Variants in GRWD1 observed in about 807,000 individuals in gnomAD.
GRWD1 encodes glutamate-rich WD repeat-containing protein 1.
In GRWD1, 29 loss-of-function variants were observed where a neutral mutation model predicts 45.3. The ratio of observed to expected loss-of-function variants is 0.64; its 90% confidence interval spans 0.48 to 0.87. The LOEUF is 0.87. Among genes scored for constraint, GRWD1 ranks in the 40% least tolerant of loss-of-function variants. GRWD1 has a pLI of 0.00. For synonymous variants in GRWD1, 262 were observed against 257.6 expected, an observed-to-expected ratio of 1.02 and a Z score of -0.16; for missense variants, 592 against 618.8, an observed-to-expected ratio of 0.96 and a Z score of 0.46.
rs1199335838 is a variant in GRWD1 at position 48,454,834 on chromosome 19, C to A, written c.*1809C>A. The A allele has an allele frequency of 6.6e-6, 1 of 152,218 alleles. No homozygotes were observed. The highest frequency in any genetic ancestry group is 1.9e-4 in the East Asian group (1 of 5,192). The allele number at this position is 152,218 out of a possible 1,614,324, so 9.4% of individuals were successfully genotyped here. A position where few individuals can be genotyped will look rare whatever the true frequency, so the allele number is the denominator to read the frequency against. ...ATCCTTTCAGAGAAACCCTCTCAGT[C>A]TGTCTGTCTCTGTCTCTGTCTCTCT... On this transcript the variant is annotated 3_prime_UTR_variant, in exon 7 of 7. Transcript: ENST00000253237.
chr19:48,451,067 C>T lies in GRWD1; in HGVS notation c.859C>T (p.Arg287Cys), dbSNP rs149086809. The stretch of plus-strand genomic sequence containing the variant: ...CTCCTGCTCAGCTGACGCCTCCATC[C>T]GCATCTGGGACATCCGGGCAGCCCC... The part of the protein sequence containing the change: ...FASCSADASI[R>C]IWDIRAAPSK... The change falls in exon 6 of 7, where the codon CGC (arginine) becomes TGC (cysteine). Residue 287 changes from arginine (R) to cysteine (C), a missense_variant. Physicochemically the swap from Arg to Cys is radical, Grantham distance 180. Transcript: ENST00000253237. 120 of 1,614,020 alleles carry T rather than the reference C, an allele frequency of 7.4e-5. No homozygotes were observed. Among genetic ancestry groups the T allele is most frequent in the African/African-American group, 2.3e-4 (17 of 75,034 alleles).
Position 48,452,596 on chromosome 19 carries a change from TG to T in GRWD1, c.1024-108del, listed in dbSNP as rs1971488070. The T allele has an allele frequency of 2.2e-6, 2 of 889,462 alleles. No individual in the cohort carries two copies. Among genetic ancestry groups the T allele is most frequent in the African/African-American group, 1.7e-5 (1 of 59,582 alleles). 55.1% of individuals were successfully genotyped at this position (889,462 alleles called of 1,614,324 possible). On this transcript the variant is annotated intron_variant, in intron 6 of 6. Transcript: ENST00000253237. The surrounding 1 kb of genome is among the most constrained non-coding windows in gnomAD (Gnocchi z 5.1). ...TCTGGGCTTGTGAGGGCTTAAGGGGTGGGGCCCTGGCTGAACCCTGAGGCTG... is the reference window on the plus strand; with the variant it reads ...TCTGGGCTTGTGAGGGCTTAAGGGGTGGGCCCTGGCTGAACCCTGAGGCTG...
rs1268712645 is a variant in GRWD1, at chr19:48,450,533, C to T, written c.682+7C>T. ...TGGTCCCCCCGGGTGACCGGTGAGT[C>T]CCTGGGGTGTTCAGGAGTCCCGGGA... On this transcript the variant is annotated splice_region_variant and intron_variant, in intron 4 of 6. Coordinates refer to ENST00000253237, the MANE Select transcript of GRWD1 (RefSeq NM_031485.4). The surrounding 1 kb of genome is among the most constrained non-coding windows in gnomAD (Gnocchi z 5.1). 6.2e-7 allele frequency: 1 copy of T among 1,613,696 alleles called. No homozygotes were observed. The highest frequency in any genetic ancestry group is 8.5e-7 in the Non-Finnish European group (1 of 1,179,816).
intron 3 of GRWD1, among the ~76,000 whole-genome samples, chr19:48,449,381 C>T (rs867403473): frequency 2.3e-4 from 35 of 152,252 alleles, no homozygotes; most frequent in African/African-American, 7.0e-4. Flanking sequence ...TGCGAGCCAC[C>T]GCGCCTGGCC....
In GRWD1 at chr19:48,453,574, G is replaced by C. The variant is rs981965431; in HGVS notation, c.*549G>C. ...GCTGGTCTCAAATTCTTGATCTCAA[G>C]TGATCTGTCCGCCCCGGCCTCCCAG... On this transcript the variant is annotated 3_prime_UTR_variant, in exon 7 of 7. Coordinates refer to ENST00000253237, the MANE Select transcript of GRWD1 (RefSeq NM_031485.4). The C allele has an allele frequency of 6.6e-6, 1 of 152,640 alleles. No individual in the cohort carries two copies. Among genetic ancestry groups the C allele is most frequent in the Non-Finnish European group, 1.5e-5 (1 of 68,420 alleles). 9.5% of individuals were successfully genotyped at this position (152,640 alleles called of 1,614,324 possible).
In GRWD1 at chr19:48,446,122, G is replaced by A. The variant is rs1452533560; in HGVS notation, c.117G>A (p.Pro39=). 2.5e-6 allele frequency: 4 copies of A among 1,605,002 alleles called. No individual in the cohort carries two copies. The highest frequency in any genetic ancestry group is 1.7e-5 in the Admixed American group (1 of 57,666). ...PAQVYLPGRG[P]PLREGEELVM... ...AGGTCTACCTGCCCGGCCGGGGGCC[G>A]CCGCTACGCGAAGGGGAGGAGCTGG... Residue 39 remains proline (P), a synonymous_variant, in exon 1 of 7, where the codon CCG becomes CCA. Transcript: ENST00000253237.
At position 48,446,168 on chromosome 19, in the gene GRWD1, G is replaced by A; in HGVS notation, c.163G>A (p.Val55Met). 6.2e-7 allele frequency: 1 copy of A among 1,605,728 alleles called. No homozygotes were observed. The highest frequency in any genetic ancestry group is 2.2e-5 in the East Asian group (1 of 44,744). The stretch of plus-strand genomic sequence containing the variant: ...GCTGGTCATGGACGAGGAGGCCTAT[G>A]TGCTCTACCACCGAGCGCAGACTGG... ...EELVMDEEAY[V>M]LYHRAQTGAP... Residue 55 changes from valine (V) to methionine (M), a missense_variant, in exon 1 of 7, where the codon GTG (valine) becomes ATG (methionine). Physicochemically the swap from Val to Met is conservative, Grantham distance 21. Coordinates refer to ENST00000253237, the MANE Select transcript of GRWD1 (RefSeq NM_031485.4).
chr19:48,447,502 A>G (rs984949858), intron 3 of GRWD1, among the ~76,000 whole-genome samples: 3 of 151,918 alleles, frequency 2.0e-5, no homozygotes, highest in African/African-American at 7.3e-5. Flanking sequence ...CGGCTTCCCA[A>G]AGTGCTGAGA....
Position 48,450,338 on chromosome 19 carries a change from T to C in GRWD1, c.494T>C (p.Val165Ala). Residue 165 changes from valine to alanine, a missense_variant, in exon 4 of 7, where the codon GTG becomes GCG. By Grantham distance (64) the Val-to-Ala change is moderately conservative. Coordinates refer to ENST00000253237, the MANE Select transcript of GRWD1 (RefSeq NM_031485.4). The surrounding 1 kb of genome is among the most constrained non-coding windows in gnomAD (Gnocchi z 5.1). ...VRVSWLGEEP[V>A]AGVWSEKGQV... ...GTGTCATGGCTGGGTGAAGAGCCTG[T>C]GGCTGGGGTGTGGTCAGAGAAGGGC... The C allele has an allele frequency of 6.2e-7, 1 of 1,612,242 alleles. No individual in the cohort carries two copies.
chr19:48,446,934 C>CT (rs752488198), intron 3 of GRWD1, 91 bp downstream of exon 3: 65,964 of 601,896 alleles, frequency 0.11, 2,867 homozygotes, highest in Non-Finnish European at 0.12. Flanking sequence ...TCCTCATGTT[C>CT]TTTTTTTTTT....
At chr19:48,449,543 G>A (rs948395230) in intron 3 of GRWD1, among the ~76,000 whole-genome samples, 48 of 152,172 alleles carry the variant, frequency 3.2e-4, no homozygotes, top group Non-Finnish European at 2.1e-4. Flanking sequence ...GAATGGTCAG[G>A]CTGGCACAGT....
rs1351532074 is a variant in GRWD1 at position 48,451,100 on chromosome 19, G to C, written c.892G>C (p.Ala298Pro). ...GGACATCCGGGCAGCCCCCAGCAAGGCCTGCATGCTCACCACAGCCACCGC... is the reference window on the plus strand; with the variant it reads ...GGACATCCGGGCAGCCCCCAGCAAGCCCTGCATGCTCACCACAGCCACCGC... ...IWDIRAAPSK[A>P]CMLTTATAHD... The change falls in exon 6 of 7, where the codon GCC becomes CCC. Residue 298 changes from alanine to proline, a missense_variant. Transcript: ENST00000253237. 1.2e-6 allele frequency: 2 copies of C among 1,614,110 alleles called. No homozygotes were observed. Among genetic ancestry groups the C allele is most frequent in the South Asian group, 2.2e-5 (2 of 91,078 alleles).
rs200063206 is a variant in GRWD1, at chr19:48,450,718, G to C, written c.735G>C (p.Thr245=). 1.9e-6 allele frequency: 3 copies of C among 1,614,062 alleles called. No individual in the cohort carries two copies. The Admixed American group carries it at 5.0e-5, about 27-fold the overall frequency. The change falls in exon 5 of 7, where the codon ACG becomes ACC. Residue 245 remains threonine (T), a synonymous_variant. Coordinates refer to ENST00000253237, the MANE Select transcript of GRWD1 (RefSeq NM_031485.4). The surrounding 1 kb of genome is among the most constrained non-coding windows in gnomAD (Gnocchi z 5.1). ...AGAACATCCACCTCTGGACACCTAC[G>C]GACGGCGGCTCCTGGCACGTGGACC... ...CQKNIHLWTP[T]DGGSWHVDQR...
At position 48,454,596 on chromosome 19, in the gene GRWD1, C is replaced by G. The variant is rs928862440; in HGVS notation, c.*1571C>G. On this transcript the variant is annotated 3_prime_UTR_variant, in exon 7 of 7. Coordinates refer to ENST00000253237, the MANE Select transcript of GRWD1 (RefSeq NM_031485.4). ...GTGGGCCGCCCCAACAGGTACGTGC[C>G]TCCATGCAAGGCACCGCTGAGCCAT... is the stretch of plus-strand genomic sequence containing the variant. The G allele has an allele frequency of 6.6e-6, 1 of 152,466 alleles. No homozygotes were observed. The highest frequency in any genetic ancestry group is 1.5e-5 in the Non-Finnish European group (1 of 68,300). The allele number at this position is 152,466 out of a possible 1,614,324, so 9.4% of individuals were successfully genotyped here. A position where few individuals can be genotyped will look rare whatever the true frequency, so the allele number is the denominator to read the frequency against.
In GRWD1 at chr19:48,446,031, G is replaced by A; in HGVS notation, c.26G>A (p.Arg9His). MAARKGRR[R>H]TCETGEPMEA... ...ATGGCGGCGCGCAAGGGTCGGCGGCGCACGTGTGAAACCGGGGAACCCATG... is the reference window on the plus strand; with the variant it reads ...ATGGCGGCGCGCAAGGGTCGGCGGCACACGTGTGAAACCGGGGAACCCATG... The change falls in exon 1 of 7, where the codon CGC becomes CAC. Residue 9 changes from arginine (R) to histidine (H), a missense_variant. Transcript: ENST00000253237. 2 of 1,594,282 alleles carry A rather than the reference G, an allele frequency of 1.3e-6. No homozygotes were observed. The highest frequency in any genetic ancestry group is 2.3e-5 in the South Asian group (2 of 88,020).
Position 48,450,661 on chromosome 19 carries a change from C to G in GRWD1, c.683-5C>G, listed in dbSNP as rs761642336. 2.2e-5 allele frequency: 35 copies of G among 1,613,180 alleles called. No homozygotes were observed. The highest frequency in any genetic ancestry group is 2.9e-5 in the Non-Finnish European group (34 of 1,179,680). On this transcript the variant is annotated splice_region_variant and splice_polypyrimidine_tract_variant and intron_variant, in intron 4 of 6. Transcript: ENST00000253237. This position sits in a 1 kb window ranked among gnomAD's most constrained non-coding sequence, Gnocchi z 5.1. ...GCGAGGTCATTTCCTGACTCCCTTC[C>G]CCAGGTCGCCTGCTGACCGGTGACT...
rs1237632415 is a variant in GRWD1 at position 48,446,762 on chromosome 19, A to C, written c.387A>C (p.Glu129Asp). Residue 129 changes from glutamate (E) to aspartate (D), a missense_variant, in exon 3 of 7, where the codon GAA becomes GAC. Coordinates refer to ENST00000253237, the MANE Select transcript of GRWD1 (RefSeq NM_031485.4). ...SEGSDEEEEE[E>D]DEEDEEERKP... ...GCAGTGATGAAGAAGAAGAGGAGGAAGATGAAGAGGATGAAGAAGAGCGGA... is the reference window on the plus strand; with the variant it reads ...GCAGTGATGAAGAAGAAGAGGAGGACGATGAAGAGGATGAAGAAGAGCGGA... The C allele has an allele frequency of 3.7e-6, 6 of 1,614,142 alleles. No individual in the cohort carries two copies. The highest frequency in any genetic ancestry group is 3.4e-6 in the Non-Finnish European group (4 of 1,180,002).
At position 48,450,625 on chromosome 19, in the gene GRWD1, G is replaced by T; in HGVS notation, c.683-41G>T. On this transcript the variant is annotated intron_variant, in intron 4 of 6. Transcript: ENST00000253237. This position sits in a 1 kb window ranked among gnomAD's most constrained non-coding sequence, Gnocchi z 5.1. ...GACTCCAAGGAGGGGAGCGAGCTGCGGCCAGGTGGGGCGAGGTCATTTCCT... is the reference window on the plus strand; with the variant it reads ...GACTCCAAGGAGGGGAGCGAGCTGCTGCCAGGTGGGGCGAGGTCATTTCCT... 6.2e-7 allele frequency: 1 copy of T among 1,610,220 alleles called. No individual in the cohort carries two copies. Among genetic ancestry groups the T allele is most frequent in the Non-Finnish European group, 8.5e-7 (1 of 1,177,728 alleles).
Position 48,446,030 on chromosome 19 carries a change from C to A in GRWD1, c.25C>A (p.Arg9Ser). MAARKGRRRTCETGEPMEA... is the reference protein window; with the variant it reads MAARKGRRSTCETGEPMEA... ...GATGGCGGCGCGCAAGGGTCGGCGG[C>A]GCACGTGTGAAACCGGGGAACCCAT... is the stretch of plus-strand genomic sequence containing the variant. Residue 9 changes from arginine (R) to serine (S), a missense_variant, in exon 1 of 7, where the codon CGC becomes AGC. Transcript: ENST00000253237. The A allele has an allele frequency of 1.9e-6, 3 of 1,593,916 alleles. No individual in the cohort carries two copies. The highest frequency in any genetic ancestry group is 2.6e-6 in the Non-Finnish European group (3 of 1,171,722).
Sources: allele counts gnomAD v4.1 joint callset (sites outside exome capture counted in the v4.1 genomes callset), GRCh38; gene constraint gnomAD v4.1.1; non-coding constraint Gnocchi (gnomAD v3.1); transcripts MANE v1.5; gene names NCBI Gene and HGNC (gene_info 2026-07-23, HGNC 2026-07-21).